The following SNRNP40 variants were observed in gnomAD, a reference collection of about 807,000 sequenced individuals.
SNRNP40 encodes small nuclear ribonucleoprotein U5 subunit 40, also known as U5 small nuclear ribonucleoprotein 40 kDa protein.
A neutral mutation model predicts 45.8 loss-of-function variants in SNRNP40; 21 were observed. The ratio of observed to expected loss-of-function variants is 0.46; its 90% CI spans 0.32 to 0.66. The LOEUF (loss-of-function observed/expected upper bound fraction) is 0.66. SNRNP40 is among the 30% of genes least tolerant of loss of function. The pLI is 0.03. For synonymous variants in SNRNP40, 142 were observed against 163.8 expected, an observed-to-expected ratio of 0.87 and a Z score of 1.01; for missense variants, 344 against 439.1, an observed-to-expected ratio of 0.78 and a Z score of 1.94.
intron 7 of SNRNP40, 128 bp downstream of exon 7, chr1:31,269,030 A>T: frequency 2.4e-6 from 2 of 834,360 alleles, no homozygotes; most frequent in Non-Finnish European, 3.5e-6. Context: ...AACAAGTTTT[A>T]ATTAAGAGCA....
At position 31,296,704 on chromosome 1, in the gene SNRNP40, T is replaced by A. The variant is rs576517873; in HGVS notation, c.48A>T (p.Pro16=). The change falls in exon 1 of 10, where the codon CCA becomes CCT. Residue 16 remains proline (P), a synonymous_variant. Transcript: ENST00000263694. ...KRKGPELPLV[P]VKRQRHELLL... is the part of the protein sequence containing the mutation. The stretch of plus-strand genomic sequence containing the variant: ...GCAACTCATGCCGCTGCCGCTTGAC[T>A]GGAACCAGCGGCAACTCTGGGCCCT... 3.7e-5 allele frequency: 60 copies of A among 1,613,666 alleles called. No individual in the cohort carries two copies. The highest frequency in any genetic ancestry group is 4.6e-5 in the Non-Finnish European group (54 of 1,179,838).
rs1041643519 is a variant in SNRNP40 at position 31,260,124 on chromosome 1, G to A, written c.1025-3C>T. 1 of 1,582,858 alleles carries A rather than the reference G, an allele frequency of 6.3e-7. No homozygotes were observed. The highest frequency in any genetic ancestry group is 1.4e-5 in the African/African-American group (1 of 73,666). On this transcript the variant is annotated splice_region_variant and splice_polypyrimidine_tract_variant and intron_variant, in intron 9 of 9. Transcript: ENST00000263694. ...CTTGTCACTCGATGCTGAGATAACT[G>A]AGGTAAAAAGAACAGATAACTAGAA... is the stretch of plus-strand genomic sequence containing the variant.
At chr1:31,287,129 C>T (rs1227701960) in intron 4 of SNRNP40, among the ~76,000 whole-genome samples, 1 of 152,130 alleles carries the variant, frequency 6.6e-6, no homozygotes, top group Non-Finnish European at 1.5e-5. Context: ...TTTTTTTCCT[C>T]TTAAACTGAA....
At position 31,296,786 on chromosome 1, in the gene SNRNP40, C is replaced by A; in HGVS notation, c.-35G>T. 1.3e-6 allele frequency: 2 copies of A among 1,546,762 alleles called. No individual in the cohort carries two copies. Among genetic ancestry groups the A allele is most frequent in the South Asian group, 2.4e-5 (2 of 83,632 alleles). Reference sequence around the variant, plus strand: ...CGGTCTCTTCAGCGCCGCCACTGACCGCGCTGCCGCTCTCAGGCGCCACGC... The same window carrying A: ...CGGTCTCTTCAGCGCCGCCACTGACAGCGCTGCCGCTCTCAGGCGCCACGC... On this transcript the variant is annotated 5_prime_UTR_variant, in exon 1 of 10. Transcript: ENST00000263694.
At chr1:31,284,748 G>A (rs902123250) in intron 4 of SNRNP40, among the ~76,000 whole-genome samples, 14 of 152,158 alleles carry the variant, frequency 9.2e-5, no homozygotes, top group African/African-American at 3.4e-4. Flanking sequence ...TAGGATCTGT[G>A]CCAAGATGCC....
intron 5 of SNRNP40, among the ~76,000 whole-genome samples, chr1:31,276,333 C>T (rs1645974575): frequency 6.6e-6 from 1 of 152,180 alleles, no homozygotes; most frequent in African/African-American, 2.4e-5. Context: ...TATGATTCCA[C>T]CACCACATTG....
chr1:31,262,410 A>C (rs557713422), intron 8 of SNRNP40, among the ~76,000 whole-genome samples: 2 of 150,694 alleles, frequency 1.3e-5, no homozygotes, highest in Middle Eastern at 3.4e-3. Flanking sequence ...AATCCCAACT[A>C]CTCGGGAGGC....
chr1:31,289,114 G>C, intron 4 of SNRNP40, 140 bp downstream of exon 4: 1 of 643,412 alleles, frequency 1.6e-6, no homozygotes, highest in Non-Finnish European at 2.7e-6. Context: ...TATTTTAAAT[G>C]GGGAAAAATT....
At chr1:31,292,184 GA>G (rs1469154935) in intron 2 of SNRNP40, among the ~76,000 whole-genome samples, 178 bp from the exon 3 acceptor site, 4 of 152,060 alleles carry the variant, frequency 2.6e-5, no homozygotes, top group Non-Finnish European at 5.9e-5. Flanking sequence ...CTGATACGGC[GA>G]AACCCCATCT....
chr1:31,263,256 T>G (rs185189235), intron 8 of SNRNP40: 1 of 152,732 alleles, frequency 6.5e-6, no homozygotes, highest in Admixed American at 6.5e-5. Flanking sequence ...TCTATAGTAT[T>G]AGAGCCAGTA....
At chr1:31,273,666 T>A (rs1229684425) in intron 5 of SNRNP40, among the ~76,000 whole-genome samples, 1 of 151,994 alleles carries the variant, frequency 6.6e-6, no homozygotes, top group East Asian at 1.9e-4. Context: ...CAGCAGGAAT[T>A]TAAGCAAAAC....
At chr1:31,287,653 C>T (rs1466386492) in intron 4 of SNRNP40, among the ~76,000 whole-genome samples, 1 of 152,162 alleles carries the variant, frequency 6.6e-6, no homozygotes, top group Non-Finnish European at 1.5e-5. Context: ...ACTCTCCTCC[C>T]ATCCAACCAT....
At chr1:31,277,849 C>T (rs1645987162) in intron 5 of SNRNP40, among the ~76,000 whole-genome samples, 1 of 152,230 alleles carries the variant, frequency 6.6e-6, no homozygotes, top group African/African-American at 2.4e-5. Context: ...CGCATGCCAC[C>T]ATGCCTGGTT....
rs757534721 is a variant in SNRNP40 at position 31,260,018 on chromosome 1, A to G, written c.*54T>C. ...GGACATCCAACATTTGGCATCACTT[A>G]TGCAGTCTGAGGTCTCAAAGACAAG... is the stretch of plus-strand genomic sequence containing the variant. On this transcript the variant is annotated 3_prime_UTR_variant, in exon 10 of 10. Transcript: ENST00000263694. 2.3e-6 allele frequency: 3 copies of G among 1,279,672 alleles called. No individual in the cohort carries two copies. In the Admixed American group the frequency reaches 5.0e-5, roughly 21 times the overall value. The allele number at this position is 1,279,672 out of a possible 1,614,324, so 79.3% of individuals were successfully genotyped here.
rs555237397 is a variant in SNRNP40, at chr1:31,261,452, G to A, written c.1024+77C>T. On this transcript the variant is annotated intron_variant, in intron 9 of 9. Transcript: ENST00000263694. ...GGAAATTCGTATAAAACAGATACCC[G>A]CTTTTGACTCTCTATTCCCAGGATC... The A allele has an allele frequency of 1.2e-5, 11 of 926,574 alleles. No individual in the cohort carries two copies. Among genetic ancestry groups the A allele is most frequent in the South Asian group, 5.7e-5 (4 of 70,418 alleles). The allele number at this position is 926,574 out of a possible 1,614,324, so 57.4% of individuals were successfully genotyped here. A position where few individuals can be genotyped will look rare whatever the true frequency, so the allele number is the denominator to read the frequency against.
chr1:31,265,149 G>A (rs1645887463), intron 8 of SNRNP40, among the ~76,000 whole-genome samples: 1 of 152,044 alleles, frequency 6.6e-6, no homozygotes, highest in Non-Finnish European at 1.5e-5. Flanking sequence ...TAAAGAGATG[G>A]GGTCTTGCTC....
chr1:31,267,945 A>G lies in SNRNP40; in HGVS notation c.859-13T>C. ...ATCTCAGAAGGTTCTATGATAAACA[A>G]GAATCCACTGAATAGTAATATACCA... On this transcript the variant is annotated splice_polypyrimidine_tract_variant and intron_variant, in intron 7 of 9. Coordinates refer to ENST00000263694, the MANE Select transcript of SNRNP40 (RefSeq NM_004814.3). 6.2e-7 allele frequency: 1 copy of G among 1,600,700 alleles called. No individual in the cohort carries two copies. Among genetic ancestry groups the G allele is most frequent in the Non-Finnish European group, 8.6e-7 (1 of 1,168,012 alleles).
chr1:31,276,616 T>G (rs1645976713), intron 5 of SNRNP40, among the ~76,000 whole-genome samples: 1 of 152,064 alleles, frequency 6.6e-6, no homozygotes, highest in Admixed American at 6.5e-5. Context: ...CTGGGCACAG[T>G]GGCTCATGCC....
chr1:31,272,037 A>G (rs1400649379), intron 5 of SNRNP40, among the ~76,000 whole-genome samples: 1 of 152,242 alleles, frequency 6.6e-6, no homozygotes, highest in African/African-American at 2.4e-5. Context: ...CACACAAAAA[A>G]ATAGAATTCA....
Sources: gnomAD v4.1 joint callset for allele counts (sites outside exome capture counted in the v4.1 genomes callset) on GRCh38, gnomAD v4.1.1 for gene constraint, MANE v1.5 for transcripts, NCBI Gene and HGNC (gene_info 2026-07-23, HGNC 2026-07-21) for gene names.